NKAIN3: variants seen among roughly 807,000 people sequenced by gnomAD.
NKAIN3 encodes sodium/potassium transporting ATPase interacting 3, also known as sodium/potassium-transporting ATPase subunit beta-1-interacting protein 3.
A neutral mutation model predicts 30.2 loss-of-function variants in NKAIN3; 25 were observed. The observed-to-expected ratio is 0.83, with a 90% CI of 0.60 to 1.16. The LOEUF (loss-of-function observed/expected upper bound fraction) is 1.16. NKAIN3 is among the 50% of genes most tolerant of loss of function. The probability of loss-of-function intolerance (pLI) is 0.00; values close to 1 mark genes in which losing one functional copy is unlikely to be tolerated. For synonymous variants in NKAIN3, 91 were observed against 89.6 expected, an observed-to-expected ratio of 1.02 and a Z score of -0.09; for missense variants, 225 against 254.1, an observed-to-expected ratio of 0.89 and a Z score of 0.78.
intron 1 of NKAIN3, among the ~76,000 whole-genome samples, chr8:62,474,971 G>A (rs1369222564): frequency 6.6e-6 from 1 of 152,118 alleles, no homozygotes; most frequent in Non-Finnish European, 1.5e-5. Flanking sequence ...GATAAGTTAA[G>A]CATACATATT....
chr8:62,776,908 T>C (rs999566626), intron 4 of NKAIN3, among the ~76,000 whole-genome samples: 17 of 152,152 alleles, frequency 1.1e-4, no homozygotes, highest in African/African-American at 4.1e-4. Flanking sequence ...TAATGAAGTT[T>C]TTCAGCTTTT....
intron 1 of NKAIN3, among the ~76,000 whole-genome samples, chr8:62,315,424 A>G (rs1425685423): frequency 6.6e-6 from 1 of 152,202 alleles, no homozygotes; most frequent in African/African-American, 2.4e-5. Context: ...ATGATCTTTA[A>G]TACTGCTGGG....
intron 1 of NKAIN3, among the ~76,000 whole-genome samples, chr8:62,575,823 G>A (rs895197231): frequency 2.6e-5 from 4 of 151,974 alleles, no homozygotes; most frequent in African/African-American, 9.7e-5. Context: ...TATCTAAAGT[G>A]AACGAATTTT....
At chr8:62,324,384 A>C (rs940818316) in intron 1 of NKAIN3, among the ~76,000 whole-genome samples, 1 of 152,160 alleles carries the variant, frequency 6.6e-6, no homozygotes, top group African/African-American at 2.4e-5. Context: ...AAATATGTTT[A>C]TAAGTAATAA....
chr8:62,778,487 A>G (rs1817255981), intron 4 of NKAIN3, among the ~76,000 whole-genome samples: 1 of 152,004 alleles, frequency 6.6e-6, no homozygotes. Flanking sequence ...CACAGTCACC[A>G]CTACCACAGG....
intron 1 of NKAIN3, among the ~76,000 whole-genome samples, chr8:62,415,383 A>C (rs1046933422): frequency 6.7e-6 from 1 of 149,406 alleles, no homozygotes; most frequent in African/African-American, 2.4e-5. Flanking sequence ...AGTCTGGATT[A>C]TAATAATTGC....
chr8:62,457,514 T>TCC (rs1805857406), intron 1 of NKAIN3, among the ~76,000 whole-genome samples: 1 of 152,220 alleles, frequency 6.6e-6, no homozygotes, highest in Admixed American at 6.5e-5. Context: ...TATGACTGTG[T>TCC]AACTTTGATA....
At chr8:62,816,880 C>T (rs1818701398) in intron 4 of NKAIN3, among the ~76,000 whole-genome samples, 1 of 152,170 alleles carries the variant, frequency 6.6e-6, no homozygotes, top group Non-Finnish European at 1.5e-5. Context: ...GATGTAGACA[C>T]ATGGATTCCA....
intron 1 of NKAIN3, among the ~76,000 whole-genome samples, chr8:62,362,983 G>T (rs1013260493): frequency 6.6e-6 from 1 of 152,122 alleles, no homozygotes. Flanking sequence ...TGTTACAGGC[G>T]TACACTCCTA....
chr8:62,694,638 TC>T (rs143720321), intron 3 of NKAIN3, among the ~76,000 whole-genome samples: 5,030 of 152,184 alleles, frequency 0.033, 110 homozygotes, highest in Middle Eastern at 0.071. Context: ...TGTCGTTGCT[TC>T]CCTTACCTGG....
chr8:62,531,596 C>G (rs1029645690), intron 1 of NKAIN3, among the ~76,000 whole-genome samples: 7 of 152,182 alleles, frequency 4.6e-5, no homozygotes, highest in Non-Finnish European at 1.0e-4. Flanking sequence ...CCAGACTGAG[C>G]TCTTCAAGGG....
intron 4 of NKAIN3, among the ~76,000 whole-genome samples, chr8:62,879,564 T>C (rs182783302): frequency 1.3e-5 from 2 of 152,280 alleles, no homozygotes; most frequent in Admixed American, 1.3e-4. Context: ...TGTTGTTGCA[T>C]TATGCTGTTG....
chr8:62,705,728 G>A (rs1055205617), intron 3 of NKAIN3, among the ~76,000 whole-genome samples: 1 of 152,040 alleles, frequency 6.6e-6, no homozygotes, highest in Non-Finnish European at 1.5e-5. Flanking sequence ...TTTCGCTTGT[G>A]CACTTATGTT....
In NKAIN3 at chr8:62,968,889, G is replaced by C. The variant is rs1453034806; in HGVS notation, c.*3482G>C. ...AAGCCATCAAAATCTAAGCAAGGGA[G>C]TTACAGGGAGGGTTAGAGAATTACC... is the stretch of plus-strand genomic sequence containing the variant. On this transcript the variant is annotated 3_prime_UTR_variant, in exon 7 of 7. Coordinates refer to ENST00000623646, the MANE Select transcript of NKAIN3 (RefSeq NM_001304533.3). Among the ~76,000 whole-genome samples the C allele has an allele frequency of 6.6e-6, 1 of 152,194 alleles. No homozygotes were observed. Among genetic ancestry groups the C allele is most frequent in the Non-Finnish European group, 1.5e-5 (1 of 68,042 alleles).
chr8:62,739,948 G>T (rs529351655), intron 3 of NKAIN3, among the ~76,000 whole-genome samples: 1 of 152,142 alleles, frequency 6.6e-6, no homozygotes, highest in Non-Finnish European at 1.5e-5. Context: ...GGACATGACA[G>T]ACACTCCTAA....
chr8:62,567,009 C>T (rs538698107), intron 1 of NKAIN3, among the ~76,000 whole-genome samples: 50 of 152,074 alleles, frequency 3.3e-4, no homozygotes, highest in Non-Finnish European at 6.0e-4. Context: ...CTTTCTGTTA[C>T]GCTTTGTGGA....
At chr8:62,824,428 TG>T (rs1818954614) in intron 4 of NKAIN3, among the ~76,000 whole-genome samples, 1 of 151,882 alleles carries the variant, frequency 6.6e-6, no homozygotes, top group Non-Finnish European at 1.5e-5. Flanking sequence ...TGCTGGGTCT[TG>T]GCAACATAAA....
At chr8:62,455,646 G>C (rs1242036382) in intron 1 of NKAIN3, among the ~76,000 whole-genome samples, 2 of 152,184 alleles carry the variant, frequency 1.3e-5, no homozygotes, top group African/African-American at 4.8e-5. Context: ...TAATACACTT[G>C]TACTTGTACC....
chr8:62,642,363 A>G (rs1320589676), intron 3 of NKAIN3, among the ~76,000 whole-genome samples: 1 of 152,090 alleles, frequency 6.6e-6, no homozygotes, highest in African/African-American at 2.4e-5. Context: ...AAGACATAAT[A>G]TCATTTTCTA....
Sources: allele counts gnomAD v4.1 joint callset (sites outside exome capture counted in the v4.1 genomes callset), GRCh38; gene constraint gnomAD v4.1.1; transcripts MANE v1.5; gene names NCBI Gene and HGNC (gene_info 2026-07-23, HGNC 2026-07-21).